SP100: variants seen among roughly 807,000 people sequenced by gnomAD.
The protein encoded by SP100 is nuclear autoantigen Sp-100.
Under a neutral mutation model 130.0 loss-of-function variants are expected in SP100, and 84 were observed. The ratio of observed to expected loss-of-function variants is 0.65; its 90% confidence interval spans 0.54 to 0.77. The LOEUF (loss-of-function observed/expected upper bound fraction) is 0.77, where lower values mean the gene tolerates loss of function less well. Among genes scored for constraint, SP100 ranks in the 30% least tolerant of loss-of-function variants. The pLI is 0.00. For missense variants in SP100, 978 were observed against 1,052.2 expected, an observed-to-expected ratio of 0.93 and a Z score of 0.97; for synonymous variants, 331 against 351.7, an observed-to-expected ratio of 0.94 and a Z score of 0.66.
intron 9 of SP100, 84 bp from the exon 10 acceptor site, chr2:230,462,351 A>G: frequency 9.7e-7 from 1 of 1,028,164 alleles, no homozygotes; most frequent in Non-Finnish European, 1.5e-6. Context: ...GGGTCTTCCT[A>G]GTGCTCTCAT....
chr2:230,475,908 G>A (rs545020018), intron 17 of SP100, among the ~76,000 whole-genome samples: 36 of 152,074 alleles, frequency 2.4e-4, no homozygotes, highest in Non-Finnish European at 4.9e-4. Context: ...GTCTGTTTTT[G>A]TACCAGTACC....
Position 230,470,083 on chromosome 2 carries a change from C to T in SP100, c.1414C>T (p.Leu472=). The T allele has an allele frequency of 6.2e-7, 1 of 1,609,368 alleles. No individual in the cohort carries two copies. Among genetic ancestry groups the T allele is most frequent in the Non-Finnish European group, 8.5e-7 (1 of 1,177,582 alleles). ...EELQETCSSS[L]RRGSGSQPQE... ...GCTTCAGGAAACCTGCAGCTCATCC[C>T]TAAGAAGAGGGTCAGGTAAAGAAGA... Residue 472 remains leucine, a synonymous_variant, in exon 15 of 29, where the codon CTA becomes TTA. Coordinates refer to ENST00000340126, the MANE Select transcript of SP100 (RefSeq NM_001080391.2).
At chr2:230,446,317 C>A (rs2063709243) in intron 4 of SP100, among the ~76,000 whole-genome samples, 1 of 152,140 alleles carries the variant, frequency 6.6e-6, no homozygotes, top group Non-Finnish European at 1.5e-5. Context: ...CTATGTGGCC[C>A]AGGCTGGTCT....
intron 4 of SP100, among the ~76,000 whole-genome samples, chr2:230,445,567 C>T (rs1199590408): frequency 6.6e-6 from 1 of 152,120 alleles, no homozygotes; most frequent in Admixed American, 6.6e-5. Flanking sequence ...TTGTATATGG[C>T]TTATTGATTT....
At chr2:230,430,053 G>GTGTC (rs1246781844) in intron 2 of SP100, among the ~76,000 whole-genome samples, 1 of 152,008 alleles carries the variant, frequency 6.6e-6, no homozygotes, top group Non-Finnish European at 1.5e-5. Flanking sequence ...CCTATCATTG[G>GTGTC]TGTCTGCACA....
At chr2:230,487,534 T>C (rs2066170564) in intron 17 of SP100, among the ~76,000 whole-genome samples, 1 of 152,220 alleles carries the variant, frequency 6.6e-6, no homozygotes, top group African/African-American at 2.4e-5. Flanking sequence ...GGTCTATATG[T>C]CTGTTTTGGT....
intron 9 of SP100, among the ~76,000 whole-genome samples, chr2:230,461,669 C>T (rs543176631): frequency 1.3e-5 from 2 of 152,234 alleles, no homozygotes; most frequent in East Asian, 3.9e-4. Context: ...TCAGAGAGGG[C>T]TGGGCCTGAT....
chr2:230,426,241 T>C (rs2149867236), intron 2 of SP100, among the ~76,000 whole-genome samples: 1 of 152,304 alleles, frequency 6.6e-6, no homozygotes, highest in South Asian at 2.1e-4. Flanking sequence ...TCCTATTACC[T>C]ATTTATTTCT....
intron 22 of SP100, chr2:230,506,733 CTT>C (rs1690133586): frequency 4.0e-6 from 1 of 250,510 alleles, no homozygotes; most frequent in African/African-American, 2.3e-5. Flanking sequence ...ATGAAAGTAA[CTT>C]AAGTTGGAGG....
intron 24 of SP100, among the ~76,000 whole-genome samples, chr2:230,522,197 G>C (rs1293980363): frequency 6.6e-6 from 1 of 152,292 alleles, no homozygotes; most frequent in East Asian, 1.9e-4. Flanking sequence ...TGTTTTAGTT[G>C]GGACAGTCTT....
At chr2:230,532,579 C>G (rs1333065219) in intron 24 of SP100, among the ~76,000 whole-genome samples, 1 of 151,486 alleles carries the variant, frequency 6.6e-6, no homozygotes, top group Admixed American at 6.6e-5. Context: ...TGATCCCAAG[C>G]CTTCTATCAC....
intron 17 of SP100, among the ~76,000 whole-genome samples, chr2:230,493,299 C>A (rs771234090): frequency 2.0e-5 from 3 of 152,200 alleles, no homozygotes; most frequent in Admixed American, 6.5e-5. Flanking sequence ...CTCACTGCAA[C>A]CTCCACCTCC....
chr2:230,423,493 C>A (rs1183239582), intron 2 of SP100, among the ~76,000 whole-genome samples: 1 of 151,894 alleles, frequency 6.6e-6, no homozygotes, highest in Non-Finnish European at 1.5e-5. Context: ...TTAATTAAAT[C>A]TTGATTTTCT....
At chr2:230,501,871 G>A (rs1280100086) in intron 19 of SP100, among the ~76,000 whole-genome samples, 1 of 151,962 alleles carries the variant, frequency 6.6e-6, no homozygotes, top group Non-Finnish European at 1.5e-5. Context: ...ATGCTTCCAA[G>A]ATTTGTTTCT....
chr2:230,449,555 G>C lies in SP100; in HGVS notation c.587-6G>C, dbSNP rs751779681. On this transcript the variant is annotated splice_region_variant and splice_polypyrimidine_tract_variant and intron_variant, in intron 6 of 28. Transcript: ENST00000340126. ...TAAAATACCTGTGAATCAAACCATG[G>C]TTTAGGTACAACCCCACCTGAAAAT... The C allele has an allele frequency of 6.2e-7, 1 of 1,613,878 alleles. No individual in the cohort carries two copies. Among genetic ancestry groups the C allele is most frequent in the East Asian group, 2.2e-5 (1 of 44,884 alleles).
At position 230,461,433 on chromosome 2, in the gene SP100, G is replaced by A. The variant is rs10181221; in HGVS notation, c.973+19G>A. On this transcript the variant is annotated intron_variant, in intron 9 of 28. Transcript: ENST00000340126. ...ATAATAGGTAAGGCTGACTGGGAGA[G>A]TTTGTAACTGTGAGTCACAGGTTAC... 3,588 of 1,613,388 alleles carry A rather than the reference G, an allele frequency of 2.2e-3. 64 individuals are homozygous for A. The African/African-American group carries it at 0.042, about 19-fold the overall frequency.
intron 8 of SP100, among the ~76,000 whole-genome samples, chr2:230,455,026 A>G (rs1240431857): frequency 6.6e-6 from 1 of 152,096 alleles, no homozygotes; most frequent in Non-Finnish European, 1.5e-5. Context: ...TCATCATTAC[A>G]TAATGACCTT....
chr2:230,534,516 G>A (rs1224117357), intron 24 of SP100, among the ~76,000 whole-genome samples: 1 of 152,210 alleles, frequency 6.6e-6, no homozygotes, highest in Non-Finnish European at 1.5e-5. Context: ...CTTTCCAAGA[G>A]TAAAAATTTC....
At chr2:230,541,228 T>C (rs1692162194) in intron 26 of SP100, 73 bp from the exon 27 acceptor site, 2 of 1,423,012 alleles carry the variant, frequency 1.4e-6, no homozygotes, top group Admixed American at 3.6e-5. Context: ...AGTCGTGTGT[T>C]CTCTTTGGGC....
Sources: gnomAD v4.1 joint callset for allele counts (sites outside exome capture counted in the v4.1 genomes callset) on GRCh38, gnomAD v4.1.1 for gene constraint, MANE v1.5 for transcripts, NCBI Gene and HGNC (gene_info 2026-07-23, HGNC 2026-07-21) for gene names.